XKR9: variants seen among roughly 807,000 people sequenced by gnomAD.
The protein encoded by XKR9 is XK related 9.
In XKR9, 32 loss-of-function variants were observed where a neutral mutation model predicts 32.0. That is an observed-to-expected ratio of 1.00 (90% CI 0.76 to 1.34). The LOEUF (loss-of-function observed/expected upper bound fraction) is 1.34. XKR9 is among the 40% of genes most tolerant of loss of function. XKR9 has a pLI of 0.00. For missense variants in XKR9, 546 were observed against 429.7 expected, an observed-to-expected ratio of 1.27 and a Z score of -2.39; for synonymous variants, 168 against 143.4, an observed-to-expected ratio of 1.17 and a Z score of -1.22.
the XKR9 span, among the ~76,000 whole-genome samples, chr8:70,970,109 A>G: frequency 6.6e-6 from 1 of 152,138 alleles, no homozygotes; most frequent in South Asian, 2.1e-4. Flanking sequence ...AGTACTCTTA[A>G]TATATATACT....
At chr8:71,016,779 A>C in the XKR9 span, among the ~76,000 whole-genome samples, 1 of 152,302 alleles carries the variant, frequency 6.6e-6, no homozygotes, top group South Asian at 2.1e-4. Context: ...TAAACAGGGA[A>C]TTTGAAGGAA....
chr8:70,807,288 C>T, the XKR9 span, among the ~76,000 whole-genome samples: 2 of 152,068 alleles, frequency 1.3e-5, no homozygotes, highest in African/African-American at 4.8e-5. Context: ...AAAGAAAAAC[C>T]AGTACCAGCC....
chr8:70,814,377 G>A, the XKR9 span, among the ~76,000 whole-genome samples: 13 of 151,738 alleles, frequency 8.6e-5, no homozygotes, highest in Non-Finnish European at 1.6e-4. Context: ...CACCAACATT[G>A]CACATGTATA....
the XKR9 span, among the ~76,000 whole-genome samples, chr8:70,872,952 A>G: frequency 4.4e-4 from 67 of 152,282 alleles, no homozygotes; most frequent in African/African-American, 1.5e-3. Context: ...GAGCCACTGC[A>G]TCTGGCCACA....
chr8:70,821,316 G>A, the XKR9 span, among the ~76,000 whole-genome samples: 4 of 152,348 alleles, frequency 2.6e-5, no homozygotes, highest in South Asian at 8.3e-4. Flanking sequence ...CTCCACCCCT[G>A]TGGCTTTGCA....
At chr8:70,701,252 A>G (rs1170524257) in intron 3 of XKR9, among the ~76,000 whole-genome samples, 2 of 152,148 alleles carry the variant, frequency 1.3e-5, no homozygotes, top group Non-Finnish European at 2.9e-5. Context: ...CTCAGACGGA[A>G]ATGCAGAAAT....
the XKR9 span, among the ~76,000 whole-genome samples, chr8:70,857,413 G>T: frequency 6.6e-6 from 1 of 152,134 alleles, no homozygotes; most frequent in Non-Finnish European, 1.5e-5. Flanking sequence ...ACCCTCCCAA[G>T]ACTAAACCAG....
the XKR9 span, among the ~76,000 whole-genome samples, chr8:70,948,760 G>T: frequency 6.6e-6 from 1 of 152,184 alleles, no homozygotes; most frequent in African/African-American, 2.4e-5. Context: ...CTATTAAAAA[G>T]CCATCTGGGT....
chr8:70,685,411 C>G (rs537176681), intron 3 of XKR9, among the ~76,000 whole-genome samples: 41,487 of 138,060 alleles, frequency 0.3, 7,807 homozygotes, highest in Non-Finnish European at 0.42. Flanking sequence ...CGAGTTAATG[C>G]ATGCAGCACA....
At chr8:70,742,904 C>G (rs1273088136) in intron 2 of XKR9, among the ~76,000 whole-genome samples, 1 of 151,718 alleles carries the variant, frequency 6.6e-6, no homozygotes, top group African/African-American at 2.4e-5. Context: ...CTAGTTTTTT[C>G]TTTGTATTTC....
At chr8:70,876,497 T>G in the XKR9 span, among the ~76,000 whole-genome samples, 1 of 152,148 alleles carries the variant, frequency 6.6e-6, no homozygotes, top group Non-Finnish European at 1.5e-5. Context: ...TAGAATTGAC[T>G]TTTGGTTTAA....
chr8:70,712,029 G>T (rs1434836759), intron 4 of XKR9, among the ~76,000 whole-genome samples: 10 of 152,150 alleles, frequency 6.6e-5, no homozygotes, highest in Admixed American at 6.6e-4. Flanking sequence ...TACTTCAGAA[G>T]ACTGAACGTA....
chr8:70,735,979 A>C (rs1008089308), downstream of XKR9: 1 of 152,152 alleles, frequency 6.6e-6, no homozygotes, highest in African/African-American at 2.4e-5. Flanking sequence ...GTATATACCC[A>C]GTAATGGGAT....
the XKR9 span, among the ~76,000 whole-genome samples, chr8:71,016,994 T>C: frequency 6.6e-6 from 1 of 152,190 alleles, no homozygotes; most frequent in Non-Finnish European, 1.5e-5. Flanking sequence ...AGATGTACAA[T>C]TCTGAGATAG....
intron 2 of XKR9, among the ~76,000 whole-genome samples, chr8:70,788,725 C>G (rs1807724700): frequency 6.6e-6 from 1 of 152,024 alleles, no homozygotes; most frequent in Admixed American, 6.6e-5. Flanking sequence ...GCCTAACCTG[C>G]TAGTGGGAAG....
chr8:71,053,237 GT>G, the XKR9 span, among the ~76,000 whole-genome samples: 1 of 152,178 alleles, frequency 6.6e-6, no homozygotes, highest in Admixed American at 6.5e-5. Context: ...AGAGTTTTGT[GT>G]GTGCACACAG....
chr8:70,739,258 A>G (rs1205245163), downstream of XKR9, among the ~76,000 whole-genome samples: 2 of 152,282 alleles, frequency 1.3e-5, no homozygotes, highest in South Asian at 4.1e-4. Context: ...TTGTTGGTTT[A>G]AAGTCTCTTT....
chr8:70,751,167 C>T (rs1002713312), intron 2 of XKR9, among the ~76,000 whole-genome samples: 7 of 152,124 alleles, frequency 4.6e-5, no homozygotes, highest in East Asian at 1.9e-4. Flanking sequence ...CTCACTCTGT[C>T]GCCCAGGCTG....
At chr8:70,848,903 T>C in the XKR9 span, among the ~76,000 whole-genome samples, 3 of 152,046 alleles carry the variant, frequency 2.0e-5, no homozygotes, top group Admixed American at 6.6e-5. Context: ...AAGCTATCTA[T>C]CCTAAATATA....
Sources: gnomAD v4.1 joint callset for allele counts (sites outside exome capture counted in the v4.1 genomes callset) on GRCh38, gnomAD v4.1.1 for gene constraint, MANE v1.5 for transcripts, NCBI Gene and HGNC (gene_info 2026-07-23, HGNC 2026-07-21) for gene names.